The following DNM3 variants were observed in gnomAD, a reference collection of about 807,000 sequenced individuals.
The protein encoded by DNM3 is dynamin-3.
Under a neutral mutation model 101.6 loss-of-function variants are expected in DNM3, and 47 were observed. That is an observed-to-expected ratio of 0.46 (90% CI 0.37 to 0.59). The LOEUF (loss-of-function observed/expected upper bound fraction) is 0.59. DNM3 is among the 20% of genes least tolerant of loss of function. The pLI, the probability that DNM3 is intolerant of heterozygous loss-of-function variation, is 0.00. For missense variants in DNM3, 849 were observed against 1,085.7 expected (o/e 0.78, Z 3.06); for synonymous variants, 385 against 387.9 (o/e 0.99, Z 0.09).
chr1:172,267,471 T>A (rs1172528611), intron 15 of DNM3, among the ~76,000 whole-genome samples: 1 of 152,188 alleles, frequency 6.6e-6, no homozygotes, highest in Non-Finnish European at 1.5e-5. Context: ...ATATTTCATT[T>A]AGAAAGTAAT....
chr1:171,895,562 C>A (rs1447142755), intron 1 of DNM3, among the ~76,000 whole-genome samples: 1 of 152,138 alleles, frequency 6.6e-6, no homozygotes, highest in Non-Finnish European at 1.5e-5. Context: ...GGGTAGATTG[C>A]AAAATTTTTC....
intron 14 of DNM3, among the ~76,000 whole-genome samples, chr1:172,236,232 T>C (rs1330168536): frequency 3.9e-5 from 6 of 152,114 alleles, no homozygotes; most frequent in African/African-American, 1.2e-4. Context: ...CTCCAACCCA[T>C]AGCTCCACAG....
At position 172,408,113 on chromosome 1, in the gene DNM3, C is replaced by A; in HGVS notation, c.*272C>A. 8.2e-7 allele frequency: 1 copy of A among 1,222,832 alleles called. No individual in the cohort carries two copies. The highest frequency in any genetic ancestry group is 1.0e-6 in the Non-Finnish European group (1 of 975,930). 75.7% of individuals were successfully genotyped at this position (1,222,832 alleles called of 1,614,324 possible). ...AGCCCTATACTTTGGGGATCATTTG[C>A]CTACCATGGCATATATTTGAAATTG... On this transcript the variant is annotated 3_prime_UTR_variant, in exon 21 of 21. Coordinates refer to ENST00000627582, the MANE Select transcript of DNM3 (RefSeq NM_015569.5).
chr1:171,970,983 A>G (rs1019764114), intron 2 of DNM3, among the ~76,000 whole-genome samples: 3 of 152,130 alleles, frequency 2.0e-5, no homozygotes, highest in Non-Finnish European at 4.4e-5. Context: ...TAATAACAGT[A>G]GCCTACATTT....
At chr1:171,929,320 C>G (rs1374468132) in intron 2 of DNM3, among the ~76,000 whole-genome samples, 1 of 152,082 alleles carries the variant, frequency 6.6e-6, no homozygotes, top group Non-Finnish European at 1.5e-5. Context: ...GGAAGTTGCA[C>G]CTGGTGGTGA....
chr1:172,178,497 T>A (rs545217701), intron 14 of DNM3, among the ~76,000 whole-genome samples: 1 of 151,792 alleles, frequency 6.6e-6, no homozygotes, highest in South Asian at 2.1e-4. Context: ...GAGTAGGAGG[T>A]TGATGTGTAA....
rs1005061878 is a variant in DNM3, at chr1:171,897,070, T to C, written c.162-24678T>C. Among the ~76,000 whole-genome samples, 7 of 152,094 alleles carry C rather than the reference T, an allele frequency of 4.6e-5. 1 individual carries two copies. The highest frequency in any genetic ancestry group is 3.4e-3 in the Middle Eastern group (1 of 292). On this transcript the variant is annotated intron_variant, in intron 1 of 20. Coordinates refer to ENST00000627582, the MANE Select transcript of DNM3 (RefSeq NM_015569.5). ...GTTATATTTCTTCATTCAACACATA[T>C]ATATATATATTTTTTAGCATCTTCT...
intron 15 of DNM3, among the ~76,000 whole-genome samples, chr1:172,256,817 C>A (rs2062418764): frequency 6.6e-6 from 1 of 151,178 alleles, no homozygotes; most frequent in Non-Finnish European, 1.5e-5. Context: ...CTATAGATTT[C>A]TCGCCAGGTA....
intron 15 of DNM3, among the ~76,000 whole-genome samples, chr1:172,304,206 C>CAAAAAAAAAAAAAAAAAAAAAAAAAAAAA (rs575733774): frequency 5.5e-5 from 2 of 36,390 alleles, no homozygotes; most frequent in Non-Finnish European, 4.7e-5. Flanking sequence ...AAAAGGAAAG[C>CAAAAAAAAAAAAAAAAAAAAAAAAAAAAA]AAAAAAAAAA....
chr1:172,033,239 C>A lies in DNM3; in HGVS notation c.823C>A (p.Pro275Thr). 6.2e-7 allele frequency: 1 copy of A among 1,603,896 alleles called. No individual in the cohort carries two copies. The highest frequency in any genetic ancestry group is 2.2e-5 in the East Asian group (1 of 44,462). ...ACATATCGCTGACCGAATGGGAACC[C>A]CACACCTGCAGAAGGTCCTTAATCA... ...YRHIADRMGT[P>T]HLQKVLNQQL... Residue 275 changes from proline to threonine, a missense_variant, in exon 6 of 21, where the codon CCA becomes ACA. By Grantham distance (38) the Pro-to-Thr change is conservative. Around this residue, in one of 5 missense-constraint regions of DNM3, gnomAD observed 388 missense variants for 483.0 expected, o/e 0.80. Coordinates refer to ENST00000627582, the MANE Select transcript of DNM3 (RefSeq NM_015569.5).
intron 15 of DNM3, among the ~76,000 whole-genome samples, chr1:172,279,624 C>T (rs2063411593): frequency 6.6e-6 from 1 of 152,096 alleles, no homozygotes; most frequent in Non-Finnish European, 1.5e-5. Context: ...TTGGTCTTTC[C>T]ACCCAGACAT....
At chr1:171,977,888 A>G (rs1399937211) in intron 2 of DNM3, among the ~76,000 whole-genome samples, 2 of 152,230 alleles carry the variant, frequency 1.3e-5, no homozygotes, top group African/African-American at 4.8e-5. Context: ...TCTCACATGT[A>G]TAGTTCCTGG....
In DNM3 at chr1:172,412,070, T is replaced by A; in HGVS notation, c.*4229T>A. 2.0e-6 allele frequency: 2 copies of A among 985,686 alleles called. No individual in the cohort carries two copies. Among genetic ancestry groups the A allele is most frequent in the Non-Finnish European group, 2.4e-6 (2 of 829,820 alleles). The allele number at this position is 985,686 out of a possible 1,614,324, so 61.1% of individuals were successfully genotyped here. On this transcript the variant is annotated 3_prime_UTR_variant, in exon 21 of 21. Transcript: ENST00000627582. ...GTGTGTGTGTGTGTCTTTGTATATATGTAAGAATGTGTGTATGTGTGAGAG... is the reference window on the plus strand; with the variant it reads ...GTGTGTGTGTGTGTCTTTGTATATAAGTAAGAATGTGTGTATGTGTGAGAG...
At chr1:171,933,700 G>A (rs983198178) in intron 2 of DNM3, among the ~76,000 whole-genome samples, 1 of 152,146 alleles carries the variant, frequency 6.6e-6, no homozygotes, top group Non-Finnish European at 1.5e-5. Context: ...GGAGGGTCTT[G>A]TGAGCCAGGG....
chr1:172,134,415 A>T (rs1274114743), intron 14 of DNM3, among the ~76,000 whole-genome samples: 3 of 152,140 alleles, frequency 2.0e-5, no homozygotes, highest in Non-Finnish European at 4.4e-5. Context: ...AATGGCTAAT[A>T]GTTATTGAGT....
chr1:172,304,386 G>C (rs1488372920), intron 15 of DNM3, among the ~76,000 whole-genome samples: 2 of 151,776 alleles, frequency 1.3e-5, no homozygotes, highest in Non-Finnish European at 2.9e-5. Flanking sequence ...GATTCATAAA[G>C]CAAGTCCTTA....
In DNM3 at chr1:172,083,016, A is replaced by G. The variant is rs2053267414; in HGVS notation, c.1493+1114A>G. Among the ~76,000 whole-genome samples the G allele has an allele frequency of 2.0e-5, 3 of 152,230 alleles. No individual in the cohort carries two copies. The South Asian group carries it at 6.2e-4, about 32-fold the overall frequency. ...GAACCCAACGATAAATATGTGCCCT[A>G]GTCTAGTTGTCTTTGCAGCCACCCT... On this transcript the variant is annotated intron_variant, in intron 12 of 20. Coordinates refer to ENST00000627582, the MANE Select transcript of DNM3 (RefSeq NM_015569.5).
Position 172,276,902 on chromosome 1 carries a change from A to C in DNM3, c.1769+23220A>C, listed in dbSNP as rs574918774. On this transcript the variant is annotated intron_variant, in intron 15 of 20. Transcript: ENST00000627582. ...TATTTGTGACAATAATGAATGAATA[A>C]GTACATATTTAAGCTTTCAAATAGC... Among the ~76,000 whole-genome samples, 20 of 152,180 alleles carry C rather than the reference A, an allele frequency of 1.3e-4. 1 individual carries two copies. The South Asian group carries it at 4.1e-3, about 32-fold the overall frequency.
chr1:171,920,889 A>G (rs114490061), intron 1 of DNM3, among the ~76,000 whole-genome samples: 2,110 of 152,298 alleles, frequency 0.014, 29 homozygotes, highest in Middle Eastern at 0.02. Context: ...GTTAATTTCT[A>G]TAGACAAAAT....
Sources: gnomAD v4.1 joint callset for allele counts (sites outside exome capture counted in the v4.1 genomes callset) on GRCh38, gnomAD v4.1.1 for gene constraint, gnomAD v4.1.1 regional missense constraint, MANE v1.5 for transcripts, NCBI Gene and HGNC (gene_info 2026-07-23, HGNC 2026-07-21) for gene names.